The following TF variants were observed in gnomAD, a reference collection of about 807,000 sequenced individuals.
TF encodes the protein serotransferrin.
TF carries 55 observed loss-of-function variants against 82.4 expected under a neutral mutation model. The ratio of observed to expected loss-of-function variants is 0.67; its 90% CI spans 0.54 to 0.84. The LOEUF (loss-of-function observed/expected upper bound fraction) is 0.84. Among genes scored for constraint, TF ranks in the 40% least tolerant of loss-of-function variants. The pLI, the probability that TF is intolerant of heterozygous loss-of-function variation, is 0.00. For missense variants in TF, 737 were observed against 868.4 expected (o/e 0.85, Z 1.90); for synonymous variants, 332 against 332.6 (o/e 1.00, Z 0.02).
chr3:133,663,347 AT>A, the TF span, among the ~76,000 whole-genome samples: 2 of 108,930 alleles, frequency 1.8e-5, no homozygotes, highest in East Asian at 6.1e-4. Context: ...AATAAATATC[AT>A]TAATTTTTTT....
the TF span, among the ~76,000 whole-genome samples, chr3:133,703,435 C>T: frequency 2.6e-5 from 4 of 152,086 alleles, no homozygotes; most frequent in African/African-American, 9.7e-5. Context: ...AAGTCTTAGC[C>T]GCTGTTGATT....
chr3:133,690,478 G>A, the TF span, among the ~76,000 whole-genome samples: 211 of 152,228 alleles, frequency 1.4e-3, no homozygotes, highest in East Asian at 4.2e-3. Context: ...AGTGAAATTG[G>A]TACGCATTGC....
rs1243720737 is a variant in TF, at chr3:133,746,453, G to A, written c.13G>A (p.Val5Met). 5 of 1,600,724 alleles carry A rather than the reference G, an allele frequency of 3.1e-6. No individual in the cohort carries two copies. The South Asian group carries it at 5.6e-5, about 18-fold the overall frequency. Residue 5 changes from valine (V) to methionine (M), a missense_variant, in exon 1 of 17, where the codon GTG becomes ATG. Physicochemically the swap from Val to Met is conservative, Grantham distance 21. Coordinates refer to ENST00000402696, the MANE Select transcript of TF (RefSeq NM_001063.4). ...CCGCACCCGGAAGATGAGGCTCGCC[G>A]TGGGAGCCCTGCTGGTCTGCGCCGT... MRLA[V>M]GALLVCAVLG...
the TF span, among the ~76,000 whole-genome samples, chr3:133,689,214 T>C: frequency 7.7e-4 from 117 of 152,108 alleles, no homozygotes; most frequent in African/African-American, 2.7e-3. Flanking sequence ...ACACCTGTAG[T>C]CCCAGCTACT....
At chr3:133,723,631 G>C in the TF span, among the ~76,000 whole-genome samples, 1 of 102,404 alleles carries the variant, frequency 9.8e-6, no homozygotes, top group African/African-American at 4.2e-5. Flanking sequence ...ATATCTGTTT[G>C]GTTCTTTTAT....
chr3:133,705,111 C>T, the TF span, among the ~76,000 whole-genome samples: 1 of 152,102 alleles, frequency 6.6e-6, no homozygotes, highest in Non-Finnish European at 1.5e-5. Flanking sequence ...CCTGTCTCTA[C>T]TAAAAATACA....
At chr3:133,770,100 A>AT (rs1453032174) in intron 13 of TF, among the ~76,000 whole-genome samples, 1 of 152,194 alleles carries the variant, frequency 6.6e-6, no homozygotes, top group Non-Finnish European at 1.5e-5. Context: ...GACAGCACAA[A>AT]TTGCAATTTG....
the TF span, chr3:133,701,928 C>G: frequency 6.5e-6 from 1 of 152,776 alleles, no homozygotes; most frequent in Non-Finnish European, 1.5e-5. Context: ...GATCCCTCCA[C>G]CCGGCCTAGA....
In TF at chr3:133,788,608, T is replaced by G. The variant is rs1248863732; in HGVS notation, c.*9988T>G. The stretch of plus-strand genomic sequence containing the variant: ...GCCCAAAGTTTGGGATTTTTCATCT[T>G]TTCTTTTCCACTCCATACAGGGGAA... On this transcript the variant is annotated 3_prime_UTR_variant, in exon 17 of 17. Coordinates refer to ENST00000402696, the MANE Select transcript of TF (RefSeq NM_001063.4). 3.3e-5 allele frequency: 5 copies of G among 151,812 alleles called. No individual in the cohort carries two copies. Among genetic ancestry groups the G allele is most frequent in the Non-Finnish European group, 7.4e-5 (5 of 67,960 alleles). 9.4% of individuals were successfully genotyped at this position (151,812 alleles called of 1,614,324 possible).
chr3:133,674,361 G>GCCT, the TF span, among the ~76,000 whole-genome samples: 1 of 152,190 alleles, frequency 6.6e-6, no homozygotes, highest in African/African-American at 2.4e-5. Flanking sequence ...CTTCCCCGAA[G>GCCT]TGCAGCCTTG....
In TF at chr3:133,764,968, G is replaced by A. The variant is rs1445369335; in HGVS notation, c.1330+61G>A. On this transcript the variant is annotated intron_variant, in intron 11 of 16. Transcript: ENST00000402696. ...TAAATTCCCATTGTTTTGGGGAATT[G>A]GTTAGATTTAAAATTCAAGTATATA... is the stretch of plus-strand genomic sequence containing the variant. 9.0e-6 allele frequency: 14 copies of A among 1,563,704 alleles called. No homozygotes were observed. In the African/African-American group the frequency reaches 1.2e-4, roughly 14 times the overall value.
rs775040304 is a variant in TF, at chr3:133,755,382, G to C, written c.522G>C (p.Ser174=). 1.2e-6 allele frequency: 2 copies of C among 1,614,152 alleles called. No individual in the cohort carries two copies. Among genetic ancestry groups the C allele is most frequent in the Non-Finnish European group, 1.7e-6 (2 of 1,180,034 alleles). Residue 174 remains serine, a synonymous_variant, in exon 5 of 17, where the codon TCG becomes TCC. Coordinates refer to ENST00000402696, the MANE Select transcript of TF (RefSeq NM_001063.4). The part of the protein sequence containing the change: ...PLEKAVANFF[S]GSCAPCADGT... ...GAGCAGCAGTGGCCAATTTCTTCTC[G>C]GGCAGCTGTGCCCCTTGTGCGGATG... is the stretch of plus-strand genomic sequence containing the variant.
At chr3:133,736,937 A>G in the TF span, among the ~76,000 whole-genome samples, 4 of 152,184 alleles carry the variant, frequency 2.6e-5, no homozygotes, top group African/African-American at 9.7e-5. Context: ...AAGGATATTC[A>G]GGACTTGAAC....
At chr3:133,731,370 G>A in the TF span, among the ~76,000 whole-genome samples, 1 of 152,186 alleles carries the variant, frequency 6.6e-6, no homozygotes. Flanking sequence ...ACAGGACAGT[G>A]GGGACAGCTC....
At chr3:133,751,378 G>A (rs946646615) in intron 2 of TF, among the ~76,000 whole-genome samples, 17 of 151,674 alleles carry the variant, frequency 1.1e-4, no homozygotes, top group African/African-American at 2.7e-4. Flanking sequence ...GACTACAGGC[G>A]CGCGCCACCA....
chr3:133,693,468 T>C, the TF span, among the ~76,000 whole-genome samples: 3 of 152,356 alleles, frequency 2.0e-5, no homozygotes, highest in African/African-American at 7.2e-5. Context: ...GTACATCTTT[T>C]TGAGTCCGGC....
chr3:133,708,939 A>G, the TF span, among the ~76,000 whole-genome samples: 1 of 152,020 alleles, frequency 6.6e-6, no homozygotes, highest in African/African-American at 2.4e-5. Context: ...AATGTTAACA[A>G]AAAGTGGACA....
At chr3:133,714,019 T>A in the TF span, among the ~76,000 whole-genome samples, 2,104 of 152,174 alleles carry the variant, frequency 0.014, 56 homozygotes, top group African/African-American at 0.048. Flanking sequence ...CAGCAACCAG[T>A]TTTAGAAATT....
chr3:133,711,850 C>A, the TF span, among the ~76,000 whole-genome samples: 1 of 152,076 alleles, frequency 6.6e-6, no homozygotes, highest in South Asian at 2.1e-4. Context: ...CCCTGCCCCC[C>A]ACTGCACTCA....
Sources: allele counts gnomAD v4.1 joint callset (sites outside exome capture counted in the v4.1 genomes callset), GRCh38; gene constraint gnomAD v4.1.1; transcripts MANE v1.5; gene names NCBI Gene and HGNC (gene_info 2026-07-23, HGNC 2026-07-21).